The following SHTN1 variants were observed in gnomAD, a reference collection of about 807,000 sequenced individuals.
SHTN1 encodes shootin 1, also known as shootin-1.
A neutral mutation model predicts 83.1 loss-of-function variants in SHTN1; 42 were observed. The observed-to-expected ratio is 0.51, with a 90% CI of 0.39 to 0.65. The LOEUF (loss-of-function observed/expected upper bound fraction) is 0.65. SHTN1 is among the 30% of genes least tolerant of loss of function. The probability of loss-of-function intolerance (pLI) is 0.00; values close to 1 mark genes in which losing one functional copy is unlikely to be tolerated. For synonymous variants in SHTN1, 224 were observed against 247.7 expected (o/e 0.90, Z 0.90); for missense variants, 622 against 737.8 (o/e 0.84, Z 1.82).
intron 11 of SHTN1, 86 bp downstream of exon 11, chr10:116,927,706 T>C (rs1848797754): frequency 2.1e-6 from 3 of 1,410,158 alleles, no homozygotes. Context: ...GCTAGTATCT[T>C]TCATGCTTTT....
At chr10:116,993,801 CT>C (rs948788320) in intron 1 of SHTN1, among the ~76,000 whole-genome samples, 1 of 152,046 alleles carries the variant, frequency 6.6e-6, no homozygotes, top group Non-Finnish European at 1.5e-5. Flanking sequence ...TTCGCAATCT[CT>C]TTGGTTACCA....
intron 6 of SHTN1, among the ~76,000 whole-genome samples, chr10:116,949,853 T>C (rs1849712747): frequency 2.0e-5 from 3 of 152,022 alleles, no homozygotes; most frequent in South Asian, 4.2e-4. Context: ...GAGAATACTA[T>C]AGAAAAGTTT....
chr10:116,979,268 T>C lies in SHTN1; in HGVS notation c.99A>G (p.Lys33=). ...GTAAAGTACAAACCTTCTCCTTTGT[T>C]TTCTGGTTCTCTGCTCTAAGGTCTT... is the stretch of plus-strand genomic sequence containing the variant. The part of the protein sequence containing the change: ...EYEDLRAENQ[K]TKEKCDKIRQ... The change falls in exon 2 of 17, where the codon AAA becomes AAG. Residue 33 remains lysine, a synonymous_variant. Transcript: ENST00000355371. 1 of 1,613,930 alleles carries C rather than the reference T, an allele frequency of 6.2e-7. No individual in the cohort carries two copies. Among genetic ancestry groups the C allele is most frequent in the Non-Finnish European group, 8.5e-7 (1 of 1,179,842 alleles).
chr10:116,923,333 T>C (rs1387975661), intron 11 of SHTN1, among the ~76,000 whole-genome samples: 1 of 152,218 alleles, frequency 6.6e-6, no homozygotes, highest in Non-Finnish European at 1.5e-5. Flanking sequence ...ATAAAATGTT[T>C]ACCAAAACAT....
intron 1 of SHTN1, among the ~76,000 whole-genome samples, chr10:117,077,382 G>C (rs899717580): frequency 6.6e-6 from 1 of 152,144 alleles, no homozygotes; most frequent in Non-Finnish European, 1.5e-5. Context: ...AGGAAATCAA[G>C]GTTTTCACTG....
chr10:116,969,139 AC>A (rs1162046263), intron 2 of SHTN1, among the ~76,000 whole-genome samples: 1 of 152,182 alleles, frequency 6.6e-6, no homozygotes, highest in Non-Finnish European at 1.5e-5. Context: ...TGGAAAGACT[AC>A]CGCAGGCCAG....
intron 1 of SHTN1, among the ~76,000 whole-genome samples, chr10:117,095,268 T>C (rs1390147719): frequency 6.6e-6 from 1 of 152,172 alleles, no homozygotes; most frequent in Non-Finnish European, 1.5e-5. Flanking sequence ...CTAATAAGCA[T>C]ACAGCAAGAG....
At chr10:117,063,513 T>C (rs1175449773) in intron 1 of SHTN1, among the ~76,000 whole-genome samples, 2 of 152,208 alleles carry the variant, frequency 1.3e-5, no homozygotes, top group Non-Finnish European at 2.9e-5. Flanking sequence ...ACCTAGTACA[T>C]GTGTTAGCCA....
At chr10:116,948,339 A>G (rs1268779918) in intron 7 of SHTN1, among the ~76,000 whole-genome samples, 2 of 152,080 alleles carry the variant, frequency 1.3e-5, no homozygotes, top group Non-Finnish European at 2.9e-5. Context: ...CATTAGGTTC[A>G]TTTTCATGTG....
intron 1 of SHTN1, among the ~76,000 whole-genome samples, chr10:117,124,667 G>A (rs1369829083): frequency 6.6e-6 from 1 of 152,176 alleles, no homozygotes; most frequent in African/African-American, 2.4e-5. Context: ...CAGCTACTCA[G>A]GAGGCTGAAG....
intron 15 of SHTN1, among the ~76,000 whole-genome samples, chr10:116,902,596 T>C (rs1847789171): frequency 2.0e-5 from 3 of 152,344 alleles, no homozygotes; most frequent in East Asian, 1.9e-4. Context: ...ACTGGAATTA[T>C]TGGCATATCA....
intron 9 of SHTN1, among the ~76,000 whole-genome samples, chr10:116,936,410 C>T (rs1849163656): frequency 6.6e-6 from 1 of 152,110 alleles, no homozygotes; most frequent in African/African-American, 2.4e-5. Flanking sequence ...TTATTTCTGC[C>T]TTAATTTCGT....
intron 1 of SHTN1, among the ~76,000 whole-genome samples, chr10:116,994,642 A>G (rs1851564616): frequency 6.6e-6 from 1 of 152,106 alleles, no homozygotes; most frequent in Non-Finnish European, 1.5e-5. Context: ...AGGTTTTTCT[A>G]CAACTATATG....
intron 1 of SHTN1, among the ~76,000 whole-genome samples, chr10:117,068,502 T>C (rs1464635208): frequency 1.3e-5 from 2 of 151,700 alleles, no homozygotes; most frequent in Non-Finnish European, 2.9e-5. Flanking sequence ...TATAGATCAC[T>C]CTCAAGTGGC....
chr10:116,963,319 G>A (rs1008223119), intron 3 of SHTN1, among the ~76,000 whole-genome samples: 3 of 150,976 alleles, frequency 2.0e-5, no homozygotes, highest in Non-Finnish European at 4.4e-5. Flanking sequence ...TGATCCGCCC[G>A]CCTCGGCCTC....
intron 2 of SHTN1, among the ~76,000 whole-genome samples, chr10:117,020,658 A>AT (rs1446339348): frequency 1.3e-5 from 2 of 152,066 alleles, no homozygotes; most frequent in African/African-American, 4.8e-5. Context: ...TAAAAAAAAA[A>AT]CTAATTCAAG....
chr10:116,991,180 C>T (rs1234277056), intron 1 of SHTN1, among the ~76,000 whole-genome samples: 14 of 150,184 alleles, frequency 9.3e-5, no homozygotes, highest in Non-Finnish European at 1.6e-4. Context: ...AGCAAGACTC[C>T]GTCTCAAAAA....
intron 13 of SHTN1, among the ~76,000 whole-genome samples, chr10:116,914,755 G>A (rs1287790230): frequency 6.6e-6 from 1 of 152,182 alleles, no homozygotes; most frequent in Non-Finnish European, 1.5e-5. Flanking sequence ...AGGCAGGGGA[G>A]AGATCATGAA....
rs776872094 is a variant in SHTN1, at chr10:116,929,991, T to C, written c.870A>G (p.Leu290=). 2 of 1,583,846 alleles carry C rather than the reference T, an allele frequency of 1.3e-6. No homozygotes were observed. Among genetic ancestry groups the C allele is most frequent in the East Asian group, 2.3e-5 (1 of 43,846 alleles). ...GTGTTTCATTTTCTAGTTGCTCTTC[T>C]AATTCTTTGACCTATAAGTTATTTA... ...RIQHQQKVKE[L]EEQLENETLH... Residue 290 remains leucine, a synonymous_variant, in exon 10 of 17, where the codon TTA becomes TTG. Coordinates refer to ENST00000355371, the MANE Select transcript of SHTN1 (RefSeq NM_001127211.3).
Sources: gnomAD v4.1 joint callset for allele counts (sites outside exome capture counted in the v4.1 genomes callset) on GRCh38, gnomAD v4.1.1 for gene constraint, MANE v1.5 for transcripts, NCBI Gene and HGNC (gene_info 2026-07-23, HGNC 2026-07-21) for gene names.